Variants in ZC3H12C observed in about 807,000 individuals in gnomAD.
The protein encoded by ZC3H12C is probable ribonuclease ZC3H12C.
Under a neutral mutation model 76.3 loss-of-function variants are expected in ZC3H12C, and 20 were observed. That is an observed-to-expected ratio of 0.26 (90% CI 0.18 to 0.38). ZC3H12C has a LOEUF of 0.38. ZC3H12C is among the 10% of genes least tolerant of loss of function. The probability of loss-of-function intolerance (pLI) is 1.00; values close to 1 mark genes in which losing one functional copy is unlikely to be tolerated. For missense variants in ZC3H12C, 874 were observed against 1,086.5 expected, an observed-to-expected ratio of 0.80 and a Z score of 2.75; for synonymous variants, 352 against 399.6, an observed-to-expected ratio of 0.88 and a Z score of 1.42.
chr11:110,112,273 A>G (rs1861446372), intron 1 of ZC3H12C, among the ~76,000 whole-genome samples: 2 of 152,176 alleles, frequency 1.3e-5, no homozygotes, highest in African/African-American at 2.4e-5. Context: ...ATCTTGGCTC[A>G]CTGCAGCCTT....
At chr11:110,147,222 C>T (rs991435702) in intron 2 of ZC3H12C, among the ~76,000 whole-genome samples, 1 of 152,124 alleles carries the variant, frequency 6.6e-6, no homozygotes, top group Non-Finnish European at 1.5e-5. Flanking sequence ...TTTCAGAGCA[C>T]TGGGAAATAA....
At chr11:110,108,649 T>G (rs1217973403) in intron 1 of ZC3H12C, among the ~76,000 whole-genome samples, 1 of 152,244 alleles carries the variant, frequency 6.6e-6, no homozygotes, top group Non-Finnish European at 1.5e-5. Flanking sequence ...TCCAATACTG[T>G]ATTTTAAAAT....
rs1323617816 is a variant in ZC3H12C, at chr11:110,137,085, A to C, written c.444A>C (p.Thr148=). 1 of 1,613,944 alleles carries C rather than the reference A, an allele frequency of 6.2e-7. No homozygotes were observed. The highest frequency in any genetic ancestry group is 1.1e-5 in the South Asian group (1 of 91,064). Residue 148 remains threonine (T), a synonymous_variant, in exon 2 of 6, where the codon ACA becomes ACC. Coordinates refer to ENST00000278590, the MANE Select transcript of ZC3H12C (RefSeq NM_033390.2). Reference sequence around the variant, plus strand: ...TTAAACCTGAAGAGTCCCAGACTACATCCAAGGAAGCAAAGAAACCACCTG... The same window carrying C: ...TTAAACCTGAAGAGTCCCAGACTACCTCCAAGGAAGCAAAGAAACCACCTG... The part of the protein sequence containing the change: ...QDFKPEESQT[T]SKEAKKPPDV...
intron 1 of ZC3H12C, among the ~76,000 whole-genome samples, chr11:110,097,506 C>T (rs969104830): frequency 1.3e-5 from 2 of 152,140 alleles, no homozygotes; most frequent in African/African-American, 4.8e-5. Context: ...AGTTTGAGAA[C>T]GCTATGAAAC....
intron 4 of ZC3H12C, among the ~76,000 whole-genome samples, chr11:110,160,515 T>G (rs955611593): frequency 2.0e-5 from 3 of 152,180 alleles, no homozygotes; most frequent in Non-Finnish European, 4.4e-5. Context: ...TTTTTATTTT[T>G]TTTTCTTTTT....
Position 110,101,667 on chromosome 11 carries a change from C to T in ZC3H12C, c.21+8235C>T, listed in dbSNP as rs543925985. 5.9e-5 allele frequency among the ~76,000 whole-genome samples: 9 copies of T among 152,060 alleles called. No homozygotes were observed. The South Asian group carries it at 1.9e-3, about 32-fold the overall frequency. ...GGTTCAAGCGATTCTCCTGCTTCAG[C>T]CTCCCGAGCAGCTGGGACTACAGGC... On this transcript the variant is annotated intron_variant, in intron 1 of 5. Transcript: ENST00000278590.
chr11:110,145,350 TTA>T (rs1209006084), intron 2 of ZC3H12C, among the ~76,000 whole-genome samples: 2 of 152,114 alleles, frequency 1.3e-5, no homozygotes, highest in East Asian at 3.8e-4. Flanking sequence ...AAATGAAAAA[TTA>T]TAATAGTGAA....
chr11:110,131,001 T>C, intron 1 of ZC3H12C: 1 of 1,533,304 alleles, frequency 6.5e-7, no homozygotes, highest in East Asian at 2.4e-5. Flanking sequence ...TGTTCAACCA[T>C]TCATTGTTCT....
rs115982174 is a variant in ZC3H12C at position 110,095,881 on chromosome 11, T to C, written c.21+2449T>C. On this transcript the variant is annotated intron_variant, in intron 1 of 5. Coordinates refer to ENST00000278590, the MANE Select transcript of ZC3H12C (RefSeq NM_033390.2). Reference sequence around the variant, plus strand: ...AGTTGGCAAATAGAGTTTTGGAGTATAGTTTTTATTAGAGCAATATTAAGT... The same window carrying C: ...AGTTGGCAAATAGAGTTTTGGAGTACAGTTTTTATTAGAGCAATATTAAGT... 2.4e-3 allele frequency among the ~76,000 whole-genome samples: 363 copies of C among 152,320 alleles called. 2 individuals are homozygous for C. The highest frequency in any genetic ancestry group is 8.5e-3 in the African/African-American group (354 of 41,572).
intron 2 of ZC3H12C, among the ~76,000 whole-genome samples, chr11:110,144,036 G>A (rs1364024114): frequency 7.2e-6 from 1 of 138,634 alleles, no homozygotes; most frequent in African/African-American, 2.7e-5. Flanking sequence ...AATAAAAGAT[G>A]ATATATAGAA....
chr11:110,156,163 GGT>G, intron 3 of ZC3H12C, among the ~76,000 whole-genome samples: 1 of 18,116 alleles, frequency 5.5e-5, no homozygotes, highest in Non-Finnish European at 1.8e-4. Flanking sequence ...TATATTTTTA[GGT>G]ATTATAGGTA....
chr11:110,120,896 T>G (rs1861640169), intron 1 of ZC3H12C, among the ~76,000 whole-genome samples: 1 of 152,202 alleles, frequency 6.6e-6, no homozygotes, highest in African/African-American at 2.4e-5. Context: ...CAGGTATGGC[T>G]GAGTCAGGTA....
At chr11:110,148,108 G>A (rs892240781) in intron 2 of ZC3H12C, among the ~76,000 whole-genome samples, 3 of 152,194 alleles carry the variant, frequency 2.0e-5, no homozygotes, top group Admixed American at 6.5e-5. Context: ...GGAGCTTTCA[G>A]TTACTTTATC....
intron 1 of ZC3H12C, among the ~76,000 whole-genome samples, chr11:110,112,564 A>G (rs1861452874): frequency 6.6e-6 from 1 of 152,330 alleles, no homozygotes; most frequent in East Asian, 1.9e-4. Flanking sequence ...TAGATTGCCA[A>G]ATGGCAGCAC....
At chr11:110,149,008 C>T (rs980263547) in intron 2 of ZC3H12C, among the ~76,000 whole-genome samples, 15 of 152,128 alleles carry the variant, frequency 9.9e-5, no homozygotes, top group African/African-American at 3.6e-4. Flanking sequence ...CTTCATCATG[C>T]GTCAGTAAGG....
intron 1 of ZC3H12C, among the ~76,000 whole-genome samples, chr11:110,122,933 C>A (rs1861676008): frequency 6.6e-6 from 1 of 152,152 alleles, no homozygotes; most frequent in Non-Finnish European, 1.5e-5. Flanking sequence ...CAGGTGGGGT[C>A]TATAGTGTGG....
chr11:110,134,520 A>G (rs1003046028), intron 1 of ZC3H12C, among the ~76,000 whole-genome samples: 3 of 152,076 alleles, frequency 2.0e-5, no homozygotes, highest in Admixed American at 6.6e-5. Flanking sequence ...TACTTGCATT[A>G]TGGTGTTAGT....
At chr11:110,104,165 T>A (rs1372268444) in intron 1 of ZC3H12C, among the ~76,000 whole-genome samples, 1 of 151,902 alleles carries the variant, frequency 6.6e-6, no homozygotes, top group African/African-American at 2.4e-5. Flanking sequence ...TGCCTCAACC[T>A]CTCGGGTAGC....
At chr11:110,124,945 AG>A (rs1861713337) in intron 1 of ZC3H12C, among the ~76,000 whole-genome samples, 1 of 152,172 alleles carries the variant, frequency 6.6e-6, no homozygotes. Flanking sequence ...GCTTAGCCTA[AG>A]GGATGCTCAT....
Sources: gnomAD v4.1 joint callset for allele counts (sites outside exome capture counted in the v4.1 genomes callset) on GRCh38, gnomAD v4.1.1 for gene constraint, MANE v1.5 for transcripts, NCBI Gene and HGNC (gene_info 2026-07-23, HGNC 2026-07-21) for gene names.